GPAM: variants seen among roughly 807,000 people sequenced by gnomAD.
GPAM encodes the protein glycerol-3-phosphate acyltransferase 1, mitochondrial.
GPAM carries 56 observed loss-of-function variants against 105.0 expected under a neutral mutation model. The observed-to-expected ratio is 0.53, with a 90% confidence interval of 0.43 to 0.67. GPAM has a LOEUF of 0.67. Among genes scored for constraint, GPAM ranks in the 30% least tolerant of loss-of-function variants. The probability of loss-of-function intolerance (pLI) is 0.00; values close to 1 mark genes in which losing one functional copy is unlikely to be tolerated. For missense variants in GPAM, 855 were observed against 989.8 expected, an observed-to-expected ratio of 0.86 and a Z score of 1.83; for synonymous variants, 368 against 354.4, an observed-to-expected ratio of 1.04 and a Z score of -0.43.
At chr10:112,177,771 C>T (rs1847433250) in intron 5 of GPAM, among the ~76,000 whole-genome samples, 1 of 152,070 alleles carries the variant, frequency 6.6e-6, no homozygotes, top group Admixed American at 6.5e-5. Context: ...ATCTACACTC[C>T]CCTGAAATTA....
At chr10:112,209,571 T>G (rs1258894990) in intron 1 of GPAM, among the ~76,000 whole-genome samples, 2 of 152,138 alleles carry the variant, frequency 1.3e-5, no homozygotes, top group Non-Finnish European at 2.9e-5. Context: ...CAGAGCTGAT[T>G]GTGGGGAGAA....
intron 1 of GPAM, among the ~76,000 whole-genome samples, chr10:112,211,711 C>G (rs1168576425): frequency 1.3e-5 from 2 of 152,116 alleles, no homozygotes; most frequent in African/African-American, 4.8e-5. Context: ...AGCACACAAC[C>G]CATATTTACA....
At chr10:112,196,142 G>C (rs1847721205) in intron 1 of GPAM, among the ~76,000 whole-genome samples, 1 of 152,124 alleles carries the variant, frequency 6.6e-6, no homozygotes, top group Non-Finnish European at 1.5e-5. Flanking sequence ...AATTTGAAAA[G>C]GCTTGAAAGG....
At chr10:112,190,133 G>C (rs1335567668) in intron 1 of GPAM, among the ~76,000 whole-genome samples, 1 of 152,100 alleles carries the variant, frequency 6.6e-6, no homozygotes, top group Non-Finnish European at 1.5e-5. Context: ...AATCATATTT[G>C]AGCCTGGATC....
chr10:112,171,867 C>A (rs985286654), intron 9 of GPAM, among the ~76,000 whole-genome samples: 13 of 152,208 alleles, frequency 8.5e-5, no homozygotes, highest in African/African-American at 3.1e-4. Context: ...CAACTCCCTA[C>A]TGCTGAGCCT....
chr10:112,157,120 C>A (rs745622987), intron 19 of GPAM, 129 bp downstream of exon 19: 3 of 851,950 alleles, frequency 3.5e-6, no homozygotes, highest in Non-Finnish European at 6.1e-6. Flanking sequence ...CTTTACCACA[C>A]AGAAGGTACC....
At chr10:112,176,919 G>T (rs963890394) in intron 5 of GPAM, among the ~76,000 whole-genome samples, 2 of 152,036 alleles carry the variant, frequency 1.3e-5, no homozygotes, top group African/African-American at 4.8e-5. Context: ...TAGCAAATGC[G>T]ATTTTCCTTA....
intron 1 of GPAM, among the ~76,000 whole-genome samples, chr10:112,195,867 G>A (rs1417208233): frequency 6.6e-6 from 1 of 152,240 alleles, no homozygotes; most frequent in Non-Finnish European, 1.5e-5. Context: ...AAGGAGCGAT[G>A]TGGGAACCAC....
chr10:112,190,587 T>A (rs973650767), intron 1 of GPAM, among the ~76,000 whole-genome samples: 41 of 151,768 alleles, frequency 2.7e-4, no homozygotes, highest in Admixed American at 3.3e-4. Flanking sequence ...ATTTATGGCA[T>A]AATAAGGACT....
chr10:112,217,692 C>T (rs559106617), upstream of GPAM, among the ~76,000 whole-genome samples: 12 of 152,298 alleles, frequency 7.9e-5, no homozygotes, highest in African/African-American at 2.9e-4. Context: ...TCATGTAACC[C>T]TCCCTACAAC....
the GPAM span, among the ~76,000 whole-genome samples, chr10:112,227,619 G>A: frequency 2.6e-5 from 4 of 152,196 alleles, no homozygotes; most frequent in African/African-American, 9.6e-5. Context: ...CAAGACAGGC[G>A]AAAGAGGGCA....
chr10:112,155,817 A>AG (rs1491029586), intron 20 of GPAM, 47 bp downstream of exon 20: 3 of 390,056 alleles, frequency 7.7e-6, no homozygotes, highest in Middle Eastern at 1.0e-3. Context: ...TCTGAAATCC[A>AG]AAAAAAAAAA....
At chr10:112,190,060 G>T (rs1440321090) in intron 1 of GPAM, among the ~76,000 whole-genome samples, 1 of 152,032 alleles carries the variant, frequency 6.6e-6, no homozygotes, top group Non-Finnish European at 1.5e-5. Context: ...AGAAATTCAA[G>T]ATTTCATTGG....
intron 4 of GPAM, 139 bp downstream of exon 4, chr10:112,180,334 A>G (rs1385630057): frequency 1.3e-6 from 1 of 779,606 alleles, no homozygotes; most frequent in East Asian, 2.6e-5. Flanking sequence ...GTGTGTCAAC[A>G]TCTTTACTTG....
In GPAM at chr10:112,201,362, T is replaced by C. The variant is rs548273820; in HGVS notation, n.210+13806A>G. ...AAGGTCCCACTTACACTTCTGCTCT[T>C]TCATGGTCTCAGCTTGCATCCCTGC... On this transcript the variant is annotated intron_variant and non_coding_transcript_variant, in intron 1 of 3. Transcript: ENST00000480130. Among the ~76,000 whole-genome samples, 4 of 152,326 alleles carry C rather than the reference T, an allele frequency of 2.6e-5. No homozygotes were observed. The South Asian group carries it at 8.3e-4, about 32-fold the overall frequency.
Position 112,180,564 on chromosome 10 carries a change from C to T in GPAM, c.134G>A (p.Arg45Lys). 1 of 1,611,794 alleles carries T rather than the reference C, an allele frequency of 6.2e-7. No homozygotes were observed. The highest frequency in any genetic ancestry group is 1.1e-5 in the South Asian group (1 of 91,032). Residue 45 changes from arginine (R) to lysine (K), a missense_variant, in exon 4 of 22, where the codon AGA becomes AAA. By Grantham distance (26) the Arg-to-Lys change is conservative. Transcript: ENST00000348367. ...GECGFRPTIF[R>K]SATLKWKESL... is the part of the protein sequence containing the mutation. ...TTCTTTCCATTTTAAAGTTGCAGAT[C>T]TGAAGATGGTGGGTCTAAAGCCACA... is the stretch of plus-strand genomic sequence containing the variant.
At position 112,153,495 on chromosome 10, in the gene GPAM, T is replaced by C. The variant is rs1846957673; in HGVS notation, c.*55A>G. ...CTTCAACTCTTGAGCCAGAAGCTGG[T>C]ACCTACAAGGAACTCATCTCATGAC... On this transcript the variant is annotated 3_prime_UTR_variant, in exon 22 of 22. Coordinates refer to ENST00000348367, the MANE Select transcript of GPAM (RefSeq NM_001244949.2). 6.2e-7 allele frequency: 1 copy of C among 1,611,734 alleles called. No individual in the cohort carries two copies. The highest frequency in any genetic ancestry group is 2.2e-5 in the East Asian group (1 of 44,798).
intron 14 of GPAM, among the ~76,000 whole-genome samples, chr10:112,163,420 A>G (rs987337711): frequency 6.7e-6 from 1 of 150,122 alleles, no homozygotes; most frequent in Non-Finnish European, 1.5e-5. Flanking sequence ...AAACACATTA[A>G]TGAGCAACAG....
chr10:112,208,514 T>C (rs987164153), intron 1 of GPAM, among the ~76,000 whole-genome samples: 1 of 152,174 alleles, frequency 6.6e-6, no homozygotes, highest in African/African-American at 2.4e-5. Flanking sequence ...AATAGCCAGC[T>C]AAGTGTCTTG....
Sources: gnomAD v4.1 joint callset for allele counts (sites outside exome capture counted in the v4.1 genomes callset) on GRCh38, gnomAD v4.1.1 for gene constraint, MANE v1.5 for transcripts, NCBI Gene and HGNC (gene_info 2026-07-23, HGNC 2026-07-21) for gene names.